The following EFR3A variants were observed in gnomAD, a reference collection of about 807,000 sequenced individuals.
The protein encoded by EFR3A is EFR3 homolog A.
Under a neutral mutation model 104.4 loss-of-function variants are expected in EFR3A, and 76 were observed. The ratio of observed to expected loss-of-function variants is 0.73; its 90% confidence interval spans 0.60 to 0.88. EFR3A has a LOEUF of 0.88. EFR3A is among the 40% of genes least tolerant of loss of function. The pLI is 0.00. For synonymous variants in EFR3A, 330 were observed against 330.0 expected (o/e 1.00, Z 0.00); for missense variants, 985 against 1,012.5 (o/e 0.97, Z 0.37).
rs559212462 is a variant in EFR3A, at chr8:131,932,664, G to A, written c.11-7835G>A. 2.0e-5 allele frequency among the ~76,000 whole-genome samples: 3 copies of A among 152,162 alleles called. No individual in the cohort carries two copies. The East Asian group carries it at 5.8e-4, about 29-fold the overall frequency. The stretch of plus-strand genomic sequence containing the variant: ...ACATGGAAGTAAGTTCCTATAGAAA[G>A]CTCCAAAGATATTGATTGATTGGTT... On this transcript the variant is annotated intron_variant, in intron 1 of 22. Transcript: ENST00000254624.
intron 18 of EFR3A, among the ~76,000 whole-genome samples, chr8:131,992,006 T>G (rs183308197): frequency 1.7e-4 from 26 of 152,318 alleles, no homozygotes; most frequent in African/African-American, 5.5e-4. Flanking sequence ...CAGTGACCCC[T>G]TTCCTGCCCC....
rs766500421 is a variant in EFR3A at position 131,944,796 on chromosome 8, G to A, written c.139G>A (p.Ala47Thr). Reference sequence around the variant, plus strand: ...GAAATTGACATTTTATGCAGTATCTGCTCCAGAGAAACTGGATCGAATTGG... The same window carrying A: ...GAAATTGACATTTTATGCAGTATCTACTCCAGAGAAACTGGATCGAATTGG... ...MEKLTFYAVS[A>T]PEKLDRIGSY... The change falls in exon 3 of 23, where the codon GCT becomes ACT. Residue 47 changes from alanine to threonine, a missense_variant. Physicochemically the swap from Ala to Thr is moderately conservative, Grantham distance 58. Transcript: ENST00000254624. 20 of 1,608,688 alleles carry A rather than the reference G, an allele frequency of 1.2e-5. No homozygotes were observed. The highest frequency in any genetic ancestry group is 2.2e-5 in the East Asian group (1 of 44,642).
intron 1 of EFR3A, among the ~76,000 whole-genome samples, chr8:131,931,406 A>G (rs1278815953): frequency 6.6e-6 from 1 of 152,168 alleles, no homozygotes; most frequent in Non-Finnish European, 1.5e-5. Context: ...TTTGATAGAT[A>G]AATCAGTATA....
chr8:131,979,024 T>G lies in EFR3A; in HGVS notation c.1499+5T>G, dbSNP rs769721597. On this transcript the variant is annotated splice_donor_5th_base_variant and intron_variant, in intron 13 of 22. Coordinates refer to ENST00000254624, the MANE Select transcript of EFR3A (RefSeq NM_015137.6). ...GGCAAAGCTTCGAGGGATCAGGTAA[T>G]GTGCCATTTTGAAATGGATCTAATG... The G allele has an allele frequency of 3.8e-6, 6 of 1,597,294 alleles. No individual in the cohort carries two copies. The highest frequency in any genetic ancestry group is 5.1e-6 in the Non-Finnish European group (6 of 1,173,076).
chr8:132,004,324 C>G (rs1821931090), intron 22 of EFR3A, among the ~76,000 whole-genome samples: 1 of 152,238 alleles, frequency 6.6e-6, no homozygotes, highest in African/African-American at 2.4e-5. Flanking sequence ...AGGAGGTGAG[C>G]AGTGGGCAAG....
chr8:131,941,177 A>G (rs1390432962), intron 2 of EFR3A, among the ~76,000 whole-genome samples: 1 of 152,090 alleles, frequency 6.6e-6, no homozygotes, highest in Non-Finnish European at 1.5e-5. Context: ...AGATTGTTTC[A>G]GGCAGAGTTT....
At chr8:132,007,031 A>C (rs1436105441) in intron 22 of EFR3A, among the ~76,000 whole-genome samples, 1 of 151,972 alleles carries the variant, frequency 6.6e-6, no homozygotes, top group Non-Finnish European at 1.5e-5. Flanking sequence ...ATTATAAAAA[A>C]ATCTATTGCT....
At chr8:131,936,239 A>C (rs1443621729) in intron 1 of EFR3A, among the ~76,000 whole-genome samples, 1 of 152,102 alleles carries the variant, frequency 6.6e-6, no homozygotes, top group East Asian at 1.9e-4. Context: ...TAGGGGAGCA[A>C]AGGAGAAGAA....
chr8:131,941,496 TAATC>T (rs1274580353), intron 2 of EFR3A, among the ~76,000 whole-genome samples: 1 of 152,166 alleles, frequency 6.6e-6, no homozygotes, highest in Non-Finnish European at 1.5e-5. Flanking sequence ...TAGAGGAGGT[TAATC>T]AATTAAATAT....
At chr8:131,953,503 T>C (rs1818813451) in intron 5 of EFR3A, among the ~76,000 whole-genome samples, 1 of 152,144 alleles carries the variant, frequency 6.6e-6, no homozygotes, top group Non-Finnish European at 1.5e-5. Context: ...AAATGGAGTA[T>C]CATTATCATT....
intron 8 of EFR3A, among the ~76,000 whole-genome samples, chr8:131,967,447 G>A (rs907173879): frequency 1.3e-5 from 2 of 151,694 alleles, no homozygotes; most frequent in Admixed American, 1.3e-4. Flanking sequence ...CCTGTCTGAA[G>A]ACAAATACAG....
chr8:131,985,201 C>A, intron 16 of EFR3A, 141 bp downstream of exon 16: 2 of 828,112 alleles, frequency 2.4e-6, no homozygotes, highest in Non-Finnish European at 3.7e-6. Flanking sequence ...TAAACTGAAA[C>A]TACAGCTAAA....
chr8:131,934,154 A>G (rs895991136), intron 1 of EFR3A, among the ~76,000 whole-genome samples: 2 of 152,184 alleles, frequency 1.3e-5, no homozygotes, highest in African/African-American at 4.8e-5. Flanking sequence ...TTGACCCCAT[A>G]TCTAATTAGT....
chr8:132,009,130 G>A (rs913202403), intron 22 of EFR3A, among the ~76,000 whole-genome samples: 1 of 151,882 alleles, frequency 6.6e-6, no homozygotes, highest in African/African-American at 2.4e-5. Context: ...ACAGTTTGCA[G>A]TTAAAAATAA....
intron 16 of EFR3A, 107 bp downstream of exon 16, chr8:131,985,167 A>T (rs1160956651): frequency 8.7e-7 from 1 of 1,151,868 alleles, no homozygotes; most frequent in African/African-American, 1.5e-5. Flanking sequence ...AAATTAAGGT[A>T]ATTCTATAAA....
At chr8:131,915,121 C>T (rs1210967186) in intron 1 of EFR3A, among the ~76,000 whole-genome samples, 1 of 152,158 alleles carries the variant, frequency 6.6e-6, no homozygotes, top group East Asian at 1.9e-4. Context: ...CTATTTTTAT[C>T]TCTTTTATTT....
At chr8:131,980,549 A>G (rs1221290412) in intron 14 of EFR3A, among the ~76,000 whole-genome samples, 1 of 152,112 alleles carries the variant, frequency 6.6e-6, no homozygotes, top group Admixed American at 6.5e-5. Flanking sequence ...TGACATTATA[A>G]TTATATACAT....
In EFR3A at chr8:132,011,156, C is replaced by G; in HGVS notation, c.*261C>G. 8.8e-7 allele frequency: 1 copy of G among 1,136,670 alleles called. No individual in the cohort carries two copies. The highest frequency in any genetic ancestry group is 1.1e-6 in the Non-Finnish European group (1 of 921,632). 70.4% of individuals were successfully genotyped at this position (1,136,670 alleles called of 1,614,324 possible). A position where few individuals can be genotyped will look rare whatever the true frequency, so the allele number is the denominator to read the frequency against. On this transcript the variant is annotated 3_prime_UTR_variant, in exon 23 of 23. Coordinates refer to ENST00000254624, the MANE Select transcript of EFR3A (RefSeq NM_015137.6). ...TTAAGTTGAACATGTTTTGGTTTCA[C>G]TTTATTCCACTGTTAAGTAGTATGT... is the stretch of plus-strand genomic sequence containing the variant.
rs117352617 is a variant in EFR3A, at chr8:131,980,337, A to G, written c.1575+916A>G. Among the ~76,000 whole-genome samples the G allele has an allele frequency of 9.3e-4, 142 of 152,252 alleles. 3 individuals carry two copies. The East Asian group carries it at 0.022, about 23-fold the overall frequency. On this transcript the variant is annotated intron_variant, in intron 14 of 22. Coordinates refer to ENST00000254624, the MANE Select transcript of EFR3A (RefSeq NM_015137.6). ...AACTTCATTTAAAAAATAATTTACA[A>G]AATATCACTCTTCCTAAATTAATGT...
Sources: allele counts gnomAD v4.1 joint callset (sites outside exome capture counted in the v4.1 genomes callset), GRCh38; gene constraint gnomAD v4.1.1; transcripts MANE v1.5; gene names NCBI Gene and HGNC (gene_info 2026-07-23, HGNC 2026-07-21).